The following CLEC9A variants were observed in gnomAD, a reference collection of about 807,000 sequenced individuals.
The protein encoded by CLEC9A is C-type lectin domain family 9 member A.
CLEC9A carries 24 observed loss-of-function variants against 30.0 expected under a neutral mutation model. That is an observed-to-expected ratio of 0.80 (90% CI 0.58 to 1.13). CLEC9A has a LOEUF of 1.13. CLEC9A is among the 50% of genes most tolerant of loss of function. The pLI is 0.00. For missense variants in CLEC9A, 251 were observed against 280.9 expected, an observed-to-expected ratio of 0.89 and a Z score of 0.76; for synonymous variants, 111 against 96.8, an observed-to-expected ratio of 1.15 and a Z score of -0.86.
chr12:10,033,159 C>T (rs559034670), intron 1 of CLEC9A, among the ~76,000 whole-genome samples: 1 of 152,200 alleles, frequency 6.6e-6, no homozygotes, highest in East Asian at 1.9e-4. Context: ...CCCTAGGACA[C>T]CGTTCTCTTC....
chr12:10,030,712 T>A lies in CLEC9A; in HGVS notation c.-578T>A, dbSNP rs2137291482. ...CGGCTGTGGCAATCTGTGGTGAAGT[T>A]GAAATGCTTTTCTGCTAGACTGGCA... On this transcript the variant is annotated 5_prime_UTR_variant, in exon 1 of 9. Transcript: ENST00000355819. The A allele has an allele frequency of 6.6e-6, 1 of 152,326 alleles. No homozygotes were observed. The highest frequency in any genetic ancestry group is 1.9e-4 in the East Asian group (1 of 5,188). The allele number at this position is 152,326 out of a possible 1,614,324, so 9.4% of individuals were successfully genotyped here. A position where few individuals can be genotyped will look rare whatever the true frequency, so the allele number is the denominator to read the frequency against.
intron 1 of CLEC9A, among the ~76,000 whole-genome samples, chr12:10,033,470 A>G (rs1336306655): frequency 6.6e-6 from 1 of 152,184 alleles, no homozygotes; most frequent in African/African-American, 2.4e-5. Context: ...TGACTTTGAT[A>G]TATTTTAGGA....
intron 2 of CLEC9A, among the ~76,000 whole-genome samples, chr12:10,050,503 T>C (rs1865883790): frequency 6.6e-6 from 1 of 152,212 alleles, no homozygotes; most frequent in Non-Finnish European, 1.5e-5. Context: ...ATCAAAATAA[T>C]TCATGTATAA....
Position 10,055,352 on chromosome 12 carries a change from C to T in CLEC9A, c.172+1001C>T, listed in dbSNP as rs181842925. ...TGGAAACAATTTATATTTAAAAGAC[C>T]AGTTCAGTCAATTAACATCTAATAA... On this transcript the variant is annotated intron_variant, in intron 5 of 8. Coordinates refer to ENST00000355819, the MANE Select transcript of CLEC9A (RefSeq NM_207345.4). Among the ~76,000 whole-genome samples, 1,403 of 152,240 alleles carry T rather than the reference C, an allele frequency of 9.2e-3. 13 individuals are homozygous for T. Among genetic ancestry groups the T allele is most frequent in the Middle Eastern group, 0.017 (5 of 292 alleles).
intron 2 of CLEC9A, among the ~76,000 whole-genome samples, chr12:10,048,366 GAAAAAA>G (rs35035367): frequency 7.8e-6 from 1 of 128,650 alleles, no homozygotes. Flanking sequence ...GTGAGATTCC[GAAAAAA>G]AAAAAAAAAA....
At chr12:10,043,689 T>G (rs985024279) in intron 2 of CLEC9A, among the ~76,000 whole-genome samples, 26 of 122,890 alleles carry the variant, frequency 2.1e-4, no homozygotes, top group African/African-American at 4.7e-4. Flanking sequence ...TATATATATA[T>G]AGACAGAGAG....
At position 10,052,694 on chromosome 12, in the gene CLEC9A, G is replaced by A. The variant is rs754313867; in HGVS notation, c.7G>A (p.Glu3Lys). 36 of 1,613,566 alleles carry A rather than the reference G, an allele frequency of 2.2e-5. No homozygotes were observed. Among genetic ancestry groups the A allele is most frequent in the Admixed American group, 1.7e-4 (10 of 59,978 alleles). ...CTATCAAAGCACCTTAGACATGCAC[G>A]AGGAAGAAATATACACCTCTCTTCA... is the stretch of plus-strand genomic sequence containing the variant. MH[E>K]EEIYTSLQWD... The change falls in exon 4 of 9, where the codon GAG becomes AAG. Residue 3 changes from glutamate (E) to lysine (K), a missense_variant. By Grantham distance (56) the Glu-to-Lys change is moderately conservative. Coordinates refer to ENST00000355819, the MANE Select transcript of CLEC9A (RefSeq NM_207345.4).
chr12:10,063,200 A>C lies in CLEC9A; in HGVS notation c.465A>C (p.Glu155Asp). ...GSTLLQIESK[E>D]EMDFITGSLR... ...CGCTGCTACAAATAGAGAGCAAAGA[A>C]GAAATGGTAAACACTGTTTTGTGGT... The change falls in exon 7 of 9, where the codon GAA (glutamate) becomes GAC (aspartate). Residue 155 changes from glutamate to aspartate, a missense_variant. Transcript: ENST00000355819. 1 of 1,597,346 alleles carries C rather than the reference A, an allele frequency of 6.3e-7. No homozygotes were observed. The highest frequency in any genetic ancestry group is 8.5e-7 in the Non-Finnish European group (1 of 1,174,712).
At chr12:10,052,491 T>G in intron 3 of CLEC9A, 139 bp from the exon 4 acceptor site, 3 of 1,258,192 alleles carry the variant, frequency 2.4e-6, no homozygotes, top group Non-Finnish European at 3.0e-6. Context: ...CCAAGTTGTG[T>G]TTTGGCTTAG....
At chr12:10,034,503 T>C (rs1480054049) in intron 1 of CLEC9A, among the ~76,000 whole-genome samples, 1 of 152,234 alleles carries the variant, frequency 6.6e-6, no homozygotes, top group Non-Finnish European at 1.5e-5. Flanking sequence ...TAAAATTATA[T>C]TGGTCTTTGC....
At chr12:10,048,763 C>T (rs1222979124) in intron 2 of CLEC9A, among the ~76,000 whole-genome samples, 3 of 152,172 alleles carry the variant, frequency 2.0e-5, no homozygotes, top group Non-Finnish European at 4.4e-5. Context: ...CAGTTACTTC[C>T]GCCACTGAGG....
chr12:10,031,426 G>T (rs1865694895), intron 1 of CLEC9A, among the ~76,000 whole-genome samples: 1 of 152,154 alleles, frequency 6.6e-6, no homozygotes, highest in African/African-American at 2.4e-5. Flanking sequence ...GGCCATCCCT[G>T]GTTATTTCTT....
chr12:10,053,827 A>G (rs1270543780), intron 4 of CLEC9A, among the ~76,000 whole-genome samples: 1 of 152,134 alleles, frequency 6.6e-6, no homozygotes, highest in Non-Finnish European at 1.5e-5. Context: ...TTAAAAGTAT[A>G]TATTTAAAAT....
intron 1 of CLEC9A, among the ~76,000 whole-genome samples, chr12:10,039,808 A>G (rs1173425489): frequency 2.0e-5 from 3 of 152,034 alleles, no homozygotes; most frequent in Non-Finnish European, 2.9e-5. Context: ...AATTATCACA[A>G]GTACTTTATT....
intron 2 of CLEC9A, chr12:10,045,357 A>G (rs948397068): frequency 2.6e-5 from 4 of 153,818 alleles, no homozygotes; most frequent in African/African-American, 9.6e-5. Context: ...CTCAACAATG[A>G]GAAACTTTTT....
rs74701287 is a variant in CLEC9A at position 10,059,710 on chromosome 12, C to T, written c.173-1417C>T. On this transcript the variant is annotated intron_variant, in intron 5 of 8. Coordinates refer to ENST00000355819, the MANE Select transcript of CLEC9A (RefSeq NM_207345.4). ...TTCCTTGAGCCCAGGAGTTCAAGAC[C>T]ATCCTGAGCAAGAAGGTGAGACCCC... 7.5e-3 allele frequency among the ~76,000 whole-genome samples: 1,137 copies of T among 152,128 alleles called. 12 individuals are homozygous for T. Among genetic ancestry groups the T allele is most frequent in the African/African-American group, 0.026 (1,080 of 41,502 alleles).
In CLEC9A at chr12:10,043,927, C is replaced by T. The variant is rs147018453; in HGVS notation, c.-163+2307C>T. Among the ~76,000 whole-genome samples the T allele has an allele frequency of 1.1e-4, 17 of 152,300 alleles. No individual in the cohort carries two copies. In the East Asian group the frequency reaches 1.5e-3, roughly 14 times the overall value. Reference sequence around the variant, plus strand: ...CTCTCCTGACCTCATGATCCGCCTGCCTCAGCCTCCCAAAGTGCTGGCATT... The same window carrying T: ...CTCTCCTGACCTCATGATCCGCCTGTCTCAGCCTCCCAAAGTGCTGGCATT... On this transcript the variant is annotated intron_variant, in intron 2 of 8. Transcript: ENST00000355819.
chr12:10,054,190 A>ACTCAAT lies in CLEC9A; in HGVS notation c.92-72_92-67dup, dbSNP rs1351597949. ...AATGCCAATGTTAATTCCTTCTTTT[A>ACTCAAT]CTCAATCTCAATCTATCCTTGCCCC... On this transcript the variant is annotated intron_variant, in intron 4 of 8. Coordinates refer to ENST00000355819, the MANE Select transcript of CLEC9A (RefSeq NM_207345.4). 2.8e-6 allele frequency: 3 copies of ACTCAAT among 1,089,524 alleles called. No individual in the cohort carries two copies. In the African/African-American group the frequency reaches 4.7e-5, roughly 17 times the overall value. The allele number at this position is 1,089,524 out of a possible 1,614,324, so 67.5% of individuals were successfully genotyped here. A position where few individuals can be genotyped will look rare whatever the true frequency, so the allele number is the denominator to read the frequency against.
At position 10,052,779 on chromosome 12, in the gene CLEC9A, G is replaced by T. The variant is rs760914970; in HGVS notation, c.91+1G>T. On this transcript the variant is annotated splice_donor_variant, in intron 4 of 8. Transcript: ENST00000355819. LOFTEE classifies it high-confidence loss of function. ...TGTCTGTCTTCCAACAAATGTTCAG[G>T]TAACCAGTTCTAACTATTTTGTGTG... 6.2e-7 allele frequency: 1 copy of T among 1,612,766 alleles called. No individual in the cohort carries two copies. The highest frequency in any genetic ancestry group is 8.5e-7 in the Non-Finnish European group (1 of 1,179,414).
Sources: allele counts gnomAD v4.1 joint callset (sites outside exome capture counted in the v4.1 genomes callset), GRCh38; gene constraint gnomAD v4.1.1; transcripts MANE v1.5; gene names NCBI Gene and HGNC (gene_info 2026-07-23, HGNC 2026-07-21).